EPHA4: variants seen among roughly 807,000 people sequenced by gnomAD.
EPHA4 encodes the protein EPH receptor A4, also known as ephrin type-A receptor 4.
EPHA4 carries 19 observed loss-of-function variants against 108.3 expected under a neutral mutation model. The observed-to-expected ratio is 0.18, with a 90% confidence interval of 0.12 to 0.26. The LOEUF is 0.26. Among genes scored for constraint, EPHA4 ranks in the 10% least tolerant of loss-of-function variants. The probability of loss-of-function intolerance (pLI) is 1.00; values close to 1 mark genes in which losing one functional copy is unlikely to be tolerated. For missense variants in EPHA4, 917 were observed against 1,254.0 expected (o/e 0.73, Z 4.06); for synonymous variants, 449 against 455.5 (o/e 0.99, Z 0.18).
intron 3 of EPHA4, among the ~76,000 whole-genome samples, chr2:221,504,937 C>A (rs1682677327): frequency 6.6e-6 from 1 of 152,136 alleles, no homozygotes; most frequent in African/African-American, 2.4e-5. Flanking sequence ...TGACCTTCAG[C>A]AAAAATATGA....
chr2:221,454,887 TGCCATGCCC>T (rs1690895188), intron 8 of EPHA4, among the ~76,000 whole-genome samples: 1 of 152,178 alleles, frequency 6.6e-6, no homozygotes, highest in East Asian at 1.9e-4. Context: ...TCCAAGACAA[TGCCATGCCC>T]GAGATTTGCT....
chr2:221,527,586 C>T (rs1040527681), intron 3 of EPHA4, among the ~76,000 whole-genome samples: 8 of 152,162 alleles, frequency 5.3e-5, no homozygotes, highest in Non-Finnish European at 1.0e-4. Flanking sequence ...GGGAGGTCCA[C>T]CGGGGTCTGC....
intron 4 of EPHA4, among the ~76,000 whole-genome samples, chr2:221,499,754 A>AT (rs1260599474): frequency 7.7e-4 from 27 of 34,850 alleles, no homozygotes; most frequent in African/African-American, 1.2e-3. Context: ...ATATATATAT[A>AT]TATTTTTTTT....
At position 221,477,344 on chromosome 2, in the gene EPHA4, G is replaced by A. The variant is rs1275720652; in HGVS notation, c.1318+5008C>T. Among the ~76,000 whole-genome samples, 3 of 152,174 alleles carry A rather than the reference G, an allele frequency of 2.0e-5. No individual in the cohort carries two copies. The East Asian group carries it at 5.8e-4, about 29-fold the overall frequency. The stretch of plus-strand genomic sequence containing the variant: ...CATGGCTATGGAACCCTGAAATGGT[G>A]GGCACTGCTATGAAGTCTGTTCTTA... On this transcript the variant is annotated intron_variant, in intron 5 of 17. Transcript: ENST00000281821.
At chr2:221,516,607 G>A (rs543528577) in intron 3 of EPHA4, among the ~76,000 whole-genome samples, 5 of 152,164 alleles carry the variant, frequency 3.3e-5, no homozygotes, top group Non-Finnish European at 5.9e-5. Flanking sequence ...GGCCCGCCTC[G>A]GCCCAAAGTG....
At chr2:221,420,597 T>C (rs1689729849) in intron 17 of EPHA4, 45 bp from the exon 18 acceptor site, 1 of 152,220 alleles carries the variant, frequency 6.6e-6, no homozygotes, top group African/African-American at 2.4e-5. Context: ...TCGACCCATA[T>C]TGCGAGCCAA....
intron 3 of EPHA4, among the ~76,000 whole-genome samples, chr2:221,520,274 C>T (rs1693119715): frequency 2.6e-5 from 4 of 152,096 alleles, no homozygotes; most frequent in Admixed American, 2.0e-4. Context: ...GTTCTTTAAA[C>T]ACTTCCCATC....
chr2:221,571,000 G>T (rs972651475), intron 1 of EPHA4, among the ~76,000 whole-genome samples: 4 of 152,146 alleles, frequency 2.6e-5, no homozygotes, highest in Admixed American at 2.0e-4. Context: ...GCAGGCCAGA[G>T]CACCAGCATA....
chr2:221,497,528 G>T (rs1692334722), intron 4 of EPHA4, among the ~76,000 whole-genome samples: 1 of 152,062 alleles, frequency 6.6e-6, no homozygotes, highest in Non-Finnish European at 1.5e-5. Flanking sequence ...CACATGAGGT[G>T]ACGAGTTCAA....
chr2:221,463,215 G>A (rs1366823907), intron 5 of EPHA4, among the ~76,000 whole-genome samples: 1 of 152,142 alleles, frequency 6.6e-6, no homozygotes, highest in African/African-American at 2.4e-5. Flanking sequence ...TGAAATTGTA[G>A]CAAAATACCA....
intron 1 of EPHA4, among the ~76,000 whole-genome samples, chr2:221,570,284 A>G (rs1694787432): frequency 6.6e-6 from 1 of 150,862 alleles, no homozygotes; most frequent in South Asian, 2.1e-4. Context: ...GGGCTCTCAG[A>G]GCCTTTTTGT....
intron 3 of EPHA4, among the ~76,000 whole-genome samples, chr2:221,511,271 T>C (rs59127948): frequency 0.01 from 1,562 of 152,320 alleles, 22 homozygotes; most frequent in African/African-American, 0.036. Context: ...ATTTGAGTCC[T>C]TGTGGGAGAA....
At chr2:221,438,563 G>A (rs1164989657) in intron 11 of EPHA4, among the ~76,000 whole-genome samples, 2 of 152,146 alleles carry the variant, frequency 1.3e-5, no homozygotes, top group Admixed American at 6.5e-5. Flanking sequence ...CGAGGCAGGT[G>A]GGTCACTTGA....
Position 221,426,018 on chromosome 2 carries a change from C to T in EPHA4, c.*10G>A. On this transcript the variant is annotated 3_prime_UTR_variant, in exon 17 of 18. Coordinates refer to ENST00000281821, the MANE Select transcript of EPHA4 (RefSeq NM_004438.5). ...TAATTTCAAGAGTTTTGAGTTTATT[C>T]AGTACTGGCTCAGACGGGAACCATT... 1 of 1,611,530 alleles carries T rather than the reference C, an allele frequency of 6.2e-7. No homozygotes were observed. Among genetic ancestry groups the T allele is most frequent in the Non-Finnish European group, 8.5e-7 (1 of 1,177,964 alleles).
chr2:221,569,486 A>G (rs965764004), intron 1 of EPHA4: 1 of 152,104 alleles, frequency 6.6e-6, no homozygotes, highest in Non-Finnish European at 1.5e-5. Context: ...AATTTTAGGT[A>G]TGGAGTGCTG....
rs559814304 is a variant in EPHA4, at chr2:221,566,945, A to G, written c.159+1773T>C. On this transcript the variant is annotated intron_variant, in intron 2 of 17. Transcript: ENST00000281821. The stretch of plus-strand genomic sequence containing the variant: ...GAGAAGGAGAAGGAGAAGGAGAAGG[A>G]GAAGGAGAAGGGGAAGAGGAAGAGG... Among the ~76,000 whole-genome samples the G allele has an allele frequency of 5.2e-3, 233 of 44,752 alleles. 50 individuals are homozygous for G. The highest frequency in any genetic ancestry group is 0.012 in the East Asian group (12 of 988). The allele number at this position is 44,752 out of a possible 152,430, so 29.4% of individuals were successfully genotyped here.
rs1021743211 is a variant in EPHA4 at position 221,425,372 on chromosome 2, G to A, written c.*656C>T. 1 of 152,654 alleles carries A rather than the reference G, an allele frequency of 6.6e-6. No homozygotes were observed. Among genetic ancestry groups the A allele is most frequent in the Non-Finnish European group, 1.5e-5 (1 of 68,098 alleles). 9.5% of individuals were successfully genotyped at this position (152,654 alleles called of 1,614,324 possible). A position where few individuals can be genotyped will look rare whatever the true frequency, so the allele number is the denominator to read the frequency against. ...AGGCCCAAAGAAACAGACCTCATTT[G>A]TCCAGTTAGGGGTTATGGGGCTTGG... On this transcript the variant is annotated 3_prime_UTR_variant, in exon 17 of 18. Coordinates refer to ENST00000281821, the MANE Select transcript of EPHA4 (RefSeq NM_004438.5).
intron 8 of EPHA4, among the ~76,000 whole-genome samples, chr2:221,448,722 T>C (rs777822194): frequency 1.3e-5 from 2 of 152,170 alleles, no homozygotes; most frequent in South Asian, 4.1e-4. Flanking sequence ...TATCTAAAAT[T>C]ACAAGTATCT....
chr2:221,563,605 G>T, intron 3 of EPHA4, 126 bp downstream of exon 3: 1 of 1,084,456 alleles, frequency 9.2e-7, no homozygotes, highest in Non-Finnish European at 1.3e-6. Flanking sequence ...TTACTCATTA[G>T]ACCCCTGTGT....
Sources: allele counts gnomAD v4.1 joint callset (sites outside exome capture counted in the v4.1 genomes callset), GRCh38; gene constraint gnomAD v4.1.1; transcripts MANE v1.5; gene names NCBI Gene and HGNC (gene_info 2026-07-23, HGNC 2026-07-21).